PRSS23: variants seen among roughly 807,000 people sequenced by gnomAD.
PRSS23 encodes the protein protease, serine 23.
Under a neutral mutation model 34.7 loss-of-function variants are expected in PRSS23, and 25 were observed. The ratio of observed to expected loss-of-function variants is 0.72; its 90% CI spans 0.53 to 1.01. PRSS23 has a LOEUF of 1.01. Among genes scored for constraint, PRSS23 ranks in the 50% least tolerant of loss-of-function variants. The pLI is 0.00. For synonymous variants in PRSS23, 176 were observed against 186.6 expected, an observed-to-expected ratio of 0.94 and a Z score of 0.46; for missense variants, 445 against 475.6, an observed-to-expected ratio of 0.94 and a Z score of 0.60.
chr11:86,838,437 G>C (rs1036788155), intron 2 of PRSS23, among the ~76,000 whole-genome samples: 2 of 152,196 alleles, frequency 1.3e-5, no homozygotes. Flanking sequence ...GCTGAGGCTT[G>C]AGTAGCTCAC....
intron 2 of PRSS23, among the ~76,000 whole-genome samples, chr11:86,903,534 G>T (rs1948924386): frequency 6.8e-6 from 1 of 146,824 alleles, no homozygotes; most frequent in Admixed American, 6.9e-5. Context: ...CCAGGCTCGA[G>T]TGCAGTGGTG....
intron 2 of PRSS23, among the ~76,000 whole-genome samples, chr11:86,825,481 T>A (rs1285441214): frequency 1.9e-4 from 29 of 152,204 alleles, no homozygotes; most frequent in Non-Finnish European, 2.9e-5. Flanking sequence ...GCTCTTTAGT[T>A]TAATTAGATC....
intron 2 of PRSS23, among the ~76,000 whole-genome samples, chr11:86,930,469 A>C (rs577628867): frequency 6.6e-6 from 1 of 152,310 alleles, no homozygotes; most frequent in South Asian, 2.1e-4. Context: ...CTGGAAGAAT[A>C]AATAAGCAAA....
intron 2 of PRSS23, among the ~76,000 whole-genome samples, chr11:86,869,797 C>A (rs1948673073): frequency 6.6e-6 from 1 of 152,202 alleles, no homozygotes; most frequent in Non-Finnish European, 1.5e-5. Flanking sequence ...AGATTGGTCA[C>A]TGTGAAATAA....
downstream of PRSS23, among the ~76,000 whole-genome samples, chr11:86,814,465 G>C (rs564540257): frequency 2.0e-5 from 3 of 152,272 alleles, no homozygotes; most frequent in South Asian, 6.2e-4. Context: ...AGAGAAAAAA[G>C]TTGGAAGCCA....
chr11:86,797,526 C>T (rs566134787), upstream of PRSS23, among the ~76,000 whole-genome samples: 7 of 152,170 alleles, frequency 4.6e-5, no homozygotes, highest in Non-Finnish European at 7.3e-5. Flanking sequence ...GGATAGTGGG[C>T]GGTAGTCCCT....
chr11:86,801,531 A>T (rs1039687312), intron 1 of PRSS23, among the ~76,000 whole-genome samples: 4 of 152,192 alleles, frequency 2.6e-5, no homozygotes, highest in African/African-American at 9.7e-5. Flanking sequence ...CCTGAAACTA[A>T]ATTTGAGGGC....
At chr11:86,850,087 C>T (rs1948517630) in intron 2 of PRSS23, among the ~76,000 whole-genome samples, 2 of 152,206 alleles carry the variant, frequency 1.3e-5, no homozygotes, top group Non-Finnish European at 2.9e-5. Flanking sequence ...TACCTGGGCT[C>T]CTCCCCTTTC....
intron 2 of PRSS23, among the ~76,000 whole-genome samples, chr11:86,931,022 G>C (rs1949122371): frequency 6.6e-6 from 1 of 152,170 alleles, no homozygotes; most frequent in Admixed American, 6.5e-5. Context: ...AGGGCAATGG[G>C]AAGCCATTGA....
intron 2 of PRSS23, chr11:86,934,862 C>G (rs1225378497): frequency 1.3e-5 from 2 of 152,214 alleles, no homozygotes; most frequent in Non-Finnish European, 2.9e-5. Flanking sequence ...ATCCCTGAAC[C>G]ATGTGCTCCA....
chr11:86,843,768 A>G (rs1948465957), intron 2 of PRSS23, among the ~76,000 whole-genome samples: 1 of 152,220 alleles, frequency 6.6e-6, no homozygotes, highest in African/African-American at 2.4e-5. Flanking sequence ...AGGAAACAAC[A>G]GATGCTGGAG....
chr11:86,825,331 G>GT (rs1229439253), intron 2 of PRSS23, among the ~76,000 whole-genome samples: 1 of 151,852 alleles, frequency 6.6e-6, no homozygotes, highest in East Asian at 1.9e-4. Context: ...GGGGTTGTTT[G>GT]TTTTTTTCTT....
chr11:86,797,073 TAC>T (rs2135589961), upstream of PRSS23, among the ~76,000 whole-genome samples: 2 of 152,390 alleles, frequency 1.3e-5, 1 homozygote, highest in South Asian at 4.1e-4. Context: ...CAAATAACCT[TAC>T]ACAGAGTGGA....
chr11:86,807,529 A>G (rs1948115485), intron 1 of PRSS23, 102 bp from the exon 2 acceptor site: 7 of 1,141,272 alleles, frequency 6.1e-6, no homozygotes, highest in East Asian at 2.4e-5. Context: ...GGAGTGTTCA[A>G]AGACTCAGAA....
chr11:86,907,585 G>A (rs1191532503), intron 2 of PRSS23, among the ~76,000 whole-genome samples: 3 of 151,896 alleles, frequency 2.0e-5, no homozygotes, highest in Non-Finnish European at 4.4e-5. Context: ...TTAGCCTCCC[G>A]AGTAGCTGAG....
At chr11:86,818,025 A>G (rs2135612343) in intron 1 of PRSS23, among the ~76,000 whole-genome samples, 1 of 152,336 alleles carries the variant, frequency 6.6e-6, no homozygotes, top group Middle Eastern at 3.4e-3. Context: ...GGGAGTCAGG[A>G]GCCTCAGGGA....
chr11:86,907,836 C>T (rs10898552), intron 2 of PRSS23, among the ~76,000 whole-genome samples: 102,303 of 152,042 alleles, frequency 0.67, 34,523 homozygotes, highest in South Asian at 0.71. Flanking sequence ...TAGAACTTAT[C>T]CAGCTGCATA....
intron 2 of PRSS23, among the ~76,000 whole-genome samples, chr11:86,939,427 T>TATAAATATATATA (rs1486101541): frequency 3.3e-5 from 1 of 30,224 alleles, no homozygotes; most frequent in Non-Finnish European, 1.1e-4. Context: ...TATATATATA[T>TATAAATATATATA]TTTTTAACAT....
At chr11:86,881,389 T>C (rs1395376389) in intron 2 of PRSS23, among the ~76,000 whole-genome samples, 1 of 152,082 alleles carries the variant, frequency 6.6e-6, no homozygotes, top group Non-Finnish European at 1.5e-5. Flanking sequence ...ATTAATATGG[T>C]GCATCACGTT....
Sources: allele counts gnomAD v4.1 joint callset (sites outside exome capture counted in the v4.1 genomes callset), GRCh38; gene constraint gnomAD v4.1.1; transcripts MANE v1.5; gene names NCBI Gene and HGNC (gene_info 2026-07-23, HGNC 2026-07-21).